Variants in LAMA4 observed in about 807,000 individuals in gnomAD.
LAMA4 encodes the protein laminin subunit alpha-4.
A neutral mutation model predicts 207.1 loss-of-function variants in LAMA4; 127 were observed. The ratio of observed to expected loss-of-function variants is 0.61; its 90% confidence interval spans 0.53 to 0.71. The LOEUF (loss-of-function observed/expected upper bound fraction) is 0.71, where lower values mean the gene tolerates loss of function less well. Ranked by LOEUF, LAMA4 falls within the 30% of genes least tolerant of loss-of-function variation. The pLI is 0.00. For missense variants in LAMA4, 2,093 were observed against 2,246.5 expected (o/e 0.93, Z 1.38); for synonymous variants, 761 against 816.0 (o/e 0.93, Z 1.15).
intron 14 of LAMA4, among the ~76,000 whole-genome samples, chr6:112,158,530 C>G (rs1780858531): frequency 6.6e-6 from 1 of 150,432 alleles, no homozygotes; most frequent in Non-Finnish European, 1.5e-5. Context: ...ATGATGGACT[C>G]TCAGATGGAA....
chr6:112,231,852 A>C (rs547251790), intron 2 of LAMA4, among the ~76,000 whole-genome samples: 1 of 152,168 alleles, frequency 6.6e-6, no homozygotes. Flanking sequence ...ATCCTTCAAC[A>C]CTAAGGAAGG....
At chr6:112,158,089 AT>A (rs1244542365) in intron 14 of LAMA4, 1 of 152,826 alleles carries the variant, frequency 6.5e-6, no homozygotes, top group Non-Finnish European at 1.5e-5. Flanking sequence ...AGGGTCATGA[AT>A]TCAATTCTGA....
intron 2 of LAMA4, among the ~76,000 whole-genome samples, chr6:112,228,622 G>A (rs1785363481): frequency 6.6e-6 from 1 of 152,206 alleles, no homozygotes; most frequent in Non-Finnish European, 1.5e-5. Flanking sequence ...GGCCCAAGGG[G>A]ATAAAGAAAG....
At chr6:112,199,492 G>A (rs960079009) in intron 5 of LAMA4, among the ~76,000 whole-genome samples, 1 of 152,134 alleles carries the variant, frequency 6.6e-6, no homozygotes, top group Non-Finnish European at 1.5e-5. Flanking sequence ...TAAATCAGGT[G>A]CCTCCTATTC....
chr6:112,126,830 T>C (rs554251776), intron 31 of LAMA4, among the ~76,000 whole-genome samples: 48 of 152,368 alleles, frequency 3.2e-4, no homozygotes, highest in South Asian at 1.7e-3. Flanking sequence ...AATTTGATTA[T>C]ATTCATTGTT....
chr6:112,165,892 C>T (rs541867426), intron 12 of LAMA4, among the ~76,000 whole-genome samples: 13 of 152,062 alleles, frequency 8.5e-5, no homozygotes, highest in Non-Finnish European at 1.3e-4. Context: ...TTAATTTCTA[C>T]CATCACTTTT....
At chr6:112,233,403 A>G (rs1213902044) in intron 2 of LAMA4, among the ~76,000 whole-genome samples, 1 of 152,238 alleles carries the variant, frequency 6.6e-6, no homozygotes, top group Non-Finnish European at 1.5e-5. Context: ...CACGAATTTT[A>G]AAAGGAACTT....
rs1778928116 is a variant in LAMA4 at position 112,129,939 on chromosome 6, C to A, written c.4070G>T (p.Gly1357Val). ...AGCATACTGAGCACTGATTGGTGAG[C>A]CACCGAAGTAAAACTTCTTTTCACT... is the stretch of plus-strand genomic sequence containing the variant. ...QASEKKFYFG[G>V]SPISAQYANF... Residue 1357 changes from glycine (G) to valine (V), a missense_variant, in exon 30 of 39, where the codon GGC becomes GTC. This residue lies in a region of LAMA4 where 1,704 missense variants were observed against 1,788.4 expected (regional missense o/e 0.95). Transcript: ENST00000230538. 1.9e-6 allele frequency: 3 copies of A among 1,612,768 alleles called. No homozygotes were observed. In the South Asian group the frequency reaches 3.3e-5, roughly 18 times the overall value.
intron 3 of LAMA4, among the ~76,000 whole-genome samples, chr6:112,212,597 C>T (rs781919804): frequency 1.6e-4 from 25 of 152,154 alleles, no homozygotes; most frequent in Admixed American, 3.3e-4. Context: ...ACCTTAGAAT[C>T]CTTTGGACAC....
chr6:112,145,277 C>T lies in LAMA4; in HGVS notation c.2354-344G>A, dbSNP rs527602578. ...GCCATGCACAGGATGCGTGCTCTTG[C>T]GCCCAGAGAAAGAGAGAATGCCAAG... is the stretch of plus-strand genomic sequence containing the variant. On this transcript the variant is annotated intron_variant, in intron 18 of 38. Coordinates refer to ENST00000230538, the MANE Select transcript of LAMA4 (RefSeq NM_001105206.3). 8.5e-5 allele frequency among the ~76,000 whole-genome samples: 13 copies of T among 152,360 alleles called. No individual in the cohort carries two copies. The East Asian group carries it at 1.7e-3, about 20-fold the overall frequency.
intron 2 of LAMA4, chr6:112,218,575 A>C (rs1272450800): frequency 6.6e-6 from 1 of 152,234 alleles, no homozygotes; most frequent in Non-Finnish European, 1.5e-5. Flanking sequence ...GGTGGATTTC[A>C]TCTCAACTCT....
chr6:112,130,938 G>T (rs1554329507), intron 29 of LAMA4, 30 bp downstream of exon 29: 1 of 1,608,126 alleles, frequency 6.2e-7, no homozygotes, highest in South Asian at 1.1e-5. Context: ...AATAGACATG[G>T]TGGAAAGAAT....
At chr6:112,157,220 C>T (rs1583747544) in intron 14 of LAMA4, among the ~76,000 whole-genome samples, 1 of 152,080 alleles carries the variant, frequency 6.6e-6, no homozygotes, top group East Asian at 1.9e-4. Flanking sequence ...ACAAAAGAAA[C>T]AAAATGTTAC....
chr6:112,204,773 C>A (rs916861420), intron 4 of LAMA4, among the ~76,000 whole-genome samples: 1 of 152,150 alleles, frequency 6.6e-6, no homozygotes, highest in Non-Finnish European at 1.5e-5. Flanking sequence ...TTAATGTTTG[C>A]GTTTTCTACC....
At chr6:112,155,386 C>T (rs1780646863) in intron 15 of LAMA4, 179 bp downstream of exon 15, 5 of 663,644 alleles carry the variant, frequency 7.5e-6, no homozygotes, top group South Asian at 3.7e-5. Context: ...CAGCACATCT[C>T]GAAGAATCTG....
intron 2 of LAMA4, among the ~76,000 whole-genome samples, chr6:112,228,586 A>C (rs1785362001): frequency 6.6e-6 from 1 of 152,126 alleles, no homozygotes. Flanking sequence ...GAAACAGTAA[A>C]ATTTGCAAAG....
chr6:112,142,346 C>T, intron 19 of LAMA4, 54 bp from the exon 20 acceptor site: 6 of 1,527,720 alleles, frequency 3.9e-6, no homozygotes, highest in Non-Finnish European at 5.4e-6. Flanking sequence ...GGGCAGAGTG[C>T]TTTCCCGTGC....
chr6:112,119,261 G>A lies in LAMA4; in HGVS notation c.4716C>T (p.Leu1572=), dbSNP rs35679345. The change falls in exon 34 of 39, where the codon CTC becomes CTT. Residue 1572 remains leucine, a synonymous_variant. Transcript: ENST00000230538. ...RSSGRLVIDG[L]RVLEESLPPT... is the part of the protein sequence containing the mutation. ...GAGGAAGACTTTCTTCTAGGACTCG[G>A]AGACCATCAATTACCAGTCGGCCAC... 19,882 of 1,613,930 alleles carry A rather than the reference G, an allele frequency of 0.012. 1,903 individuals are homozygous for A. The African/African-American group carries it at 0.22, about 18-fold the overall frequency.
intron 2 of LAMA4, among the ~76,000 whole-genome samples, chr6:112,220,644 A>G (rs890985665): frequency 2.1e-4 from 32 of 152,176 alleles, no homozygotes; most frequent in African/African-American, 4.8e-4. Context: ...GACCAAGTGA[A>G]TGACCTTTAT....
Sources: gnomAD v4.1 joint callset for allele counts (sites outside exome capture counted in the v4.1 genomes callset) on GRCh38, gnomAD v4.1.1 for gene constraint, gnomAD v4.1.1 regional missense constraint, MANE v1.5 for transcripts, NCBI Gene and HGNC (gene_info 2026-07-23, HGNC 2026-07-21) for gene names.